The following LRP1B variants were observed in gnomAD, a reference collection of about 807,000 sequenced individuals.
LRP1B encodes LDL receptor related protein 1B.
Under a neutral mutation model 556.6 loss-of-function variants are expected in LRP1B, and 217 were observed. That is an observed-to-expected ratio of 0.39 (90% CI 0.35 to 0.44). The LOEUF (loss-of-function observed/expected upper bound fraction) is 0.44, where lower values mean the gene tolerates loss of function less well. Ranked by LOEUF, LRP1B falls within the 20% of genes least tolerant of loss-of-function variation. LRP1B has a pLI of 1.00. For synonymous variants in LRP1B, 2,047 were observed against 1,865.8 expected (o/e 1.10, Z -2.50); for missense variants, 5,053 against 5,620.8 (o/e 0.90, Z 3.23).
At chr2:141,511,102 T>C (rs1489954965) in intron 2 of LRP1B, among the ~76,000 whole-genome samples, 1 of 152,134 alleles carries the variant, frequency 6.6e-6, no homozygotes, top group Non-Finnish European at 1.5e-5. Context: ...AGGTTTCCTC[T>C]ACTACACAGC....
At chr2:142,116,192 CAAAAAAAAAA>C (rs70994477) in intron 1 of LRP1B, among the ~76,000 whole-genome samples, 3 of 65,456 alleles carry the variant, frequency 4.6e-5, no homozygotes, top group Non-Finnish European at 7.9e-5. Flanking sequence ...GAGTCTGTCT[CAAAAAAAAAA>C]AAAAAAAAAA....
At chr2:142,059,280 G>C (rs1175003919) in intron 1 of LRP1B, among the ~76,000 whole-genome samples, 1 of 152,012 alleles carries the variant, frequency 6.6e-6, no homozygotes. Flanking sequence ...TCTGAAATGA[G>C]TGAATTTTTT....
chr2:140,892,988 C>G (rs187001865), intron 23 of LRP1B, among the ~76,000 whole-genome samples: 113 of 152,066 alleles, frequency 7.4e-4, no homozygotes, highest in African/African-American at 2.6e-3. Context: ...GAAATGACTT[C>G]CTCTAGAGAC....
intron 1 of LRP1B, among the ~76,000 whole-genome samples, chr2:142,019,592 A>T (rs944200085): frequency 1.3e-5 from 2 of 152,158 alleles, no homozygotes; most frequent in African/African-American, 2.4e-5. Flanking sequence ...AGTCTATCTC[A>T]ATCCAGCATC....
At chr2:140,890,559 G>A (rs1204224644) in intron 23 of LRP1B, among the ~76,000 whole-genome samples, 2 of 151,914 alleles carry the variant, frequency 1.3e-5, no homozygotes, top group African/African-American at 4.8e-5. Context: ...ACTGAATTAT[G>A]CTTGACTGAA....
intron 41 of LRP1B, among the ~76,000 whole-genome samples, chr2:140,694,692 A>G (rs796267874): frequency 2.6e-5 from 4 of 152,272 alleles, no homozygotes; most frequent in Admixed American, 6.5e-5. Flanking sequence ...TAGCTAAAAG[A>G]CTATTAAATC....
At chr2:141,029,244 C>T (rs146447102) in intron 11 of LRP1B, among the ~76,000 whole-genome samples, 4 of 152,156 alleles carry the variant, frequency 2.6e-5, no homozygotes, top group South Asian at 2.1e-4. Context: ...AAAGTCATTG[C>T]GTGGAACCCT....
intron 35 of LRP1B, among the ~76,000 whole-genome samples, chr2:140,745,695 C>A (rs777560062): frequency 3.9e-5 from 6 of 152,144 alleles, no homozygotes; most frequent in Non-Finnish European, 7.4e-5. Context: ...AGATGCCCCA[C>A]TGCCTGATCT....
chr2:142,057,386 T>G (rs1203043855), intron 1 of LRP1B, among the ~76,000 whole-genome samples: 1 of 152,112 alleles, frequency 6.6e-6, no homozygotes. Flanking sequence ...TCTATGGCAA[T>G]GGAAATGCAA....
chr2:140,620,264 T>C (rs1260889831), intron 41 of LRP1B, among the ~76,000 whole-genome samples: 1 of 152,182 alleles, frequency 6.6e-6, no homozygotes, highest in African/African-American at 2.4e-5. Flanking sequence ...AAATGACAGT[T>C]ATCGAGTTGG....
chr2:140,771,774 T>C (rs182668797), intron 33 of LRP1B, among the ~76,000 whole-genome samples: 170 of 152,342 alleles, frequency 1.1e-3, no homozygotes, highest in African/African-American at 4.0e-3. Context: ...ATCCCATTTT[T>C]ACATCTTTTT....
intron 66 of LRP1B, among the ~76,000 whole-genome samples, chr2:140,438,470 A>G (rs1686285857): frequency 6.6e-6 from 1 of 152,224 alleles, no homozygotes; most frequent in Non-Finnish European, 1.5e-5. Context: ...ACTGTAGCTT[A>G]TAACTTATAA....
At chr2:140,952,963 A>G (rs1289153318) in intron 18 of LRP1B, among the ~76,000 whole-genome samples, 8 of 152,326 alleles carry the variant, frequency 5.3e-5, no homozygotes, top group Non-Finnish European at 7.3e-5. Context: ...ATCTTCACAC[A>G]CAAGAGCTCC....
intron 6 of LRP1B, among the ~76,000 whole-genome samples, chr2:141,200,085 G>A (rs1019882089): frequency 1.3e-5 from 2 of 152,060 alleles, no homozygotes; most frequent in South Asian, 2.1e-4. Flanking sequence ...CATATACCCA[G>A]AAGAATATAA....
intron 5 of LRP1B, among the ~76,000 whole-genome samples, chr2:141,232,957 T>C (rs935741031): frequency 2.6e-5 from 4 of 152,192 alleles, no homozygotes; most frequent in Non-Finnish European, 5.9e-5. Context: ...GGCATAGCCC[T>C]GGCAAAAATG....
chr2:142,024,100 T>C (rs1270529725), intron 1 of LRP1B, among the ~76,000 whole-genome samples: 2 of 152,172 alleles, frequency 1.3e-5, no homozygotes, highest in Admixed American at 1.3e-4. Context: ...TAGCCTCCTA[T>C]TGCAGCTGTG....
At chr2:140,597,567 A>C (rs1682493499) in intron 43 of LRP1B, among the ~76,000 whole-genome samples, 7 of 152,156 alleles carry the variant, frequency 4.6e-5, no homozygotes, top group Admixed American at 1.3e-4. Context: ...CCTGAAAGAA[A>C]ATTTGCATGT....
At chr2:141,125,721 T>A (rs1278177618) in intron 7 of LRP1B, among the ~76,000 whole-genome samples, 1 of 152,032 alleles carries the variant, frequency 6.6e-6, no homozygotes, top group South Asian at 2.1e-4. Flanking sequence ...CTTCTCTCTG[T>A]GTACTTTATC....
chr2:141,799,112 T>A (rs1287385690), intron 2 of LRP1B, among the ~76,000 whole-genome samples: 2 of 151,922 alleles, frequency 1.3e-5, no homozygotes, highest in African/African-American at 4.8e-5. Flanking sequence ...CCACCCAGTG[T>A]GTGGTGTTTT....
Sources: allele counts gnomAD v4.1 joint callset (sites outside exome capture counted in the v4.1 genomes callset), GRCh38; gene constraint gnomAD v4.1.1; transcripts MANE v1.5; gene names NCBI Gene and HGNC (gene_info 2026-07-23, HGNC 2026-07-21).